The following GNG7 variants were observed in gnomAD, a reference collection of about 807,000 sequenced individuals.
The protein encoded by GNG7 is guanine nucleotide-binding protein G(I)/G(S)/G(O) subunit gamma-7.
Under a neutral mutation model 4.0 loss-of-function variants are expected in GNG7, and 1 was observed. That is an observed-to-expected ratio of 0.25 (90% CI 0.09 to 1.18). GNG7 has a LOEUF of 1.18. GNG7 is among the 50% of genes most tolerant of loss of function. The pLI is 0.50. For missense variants in GNG7, 86 were observed against 91.9 expected, an observed-to-expected ratio of 0.94 and a Z score of 0.26; for synonymous variants, 34 against 36.9, an observed-to-expected ratio of 0.92 and a Z score of 0.29.
At chr19:2,556,915 G>T (rs1979562055) in intron 2 of GNG7, among the ~76,000 whole-genome samples, 1 of 152,158 alleles carries the variant, frequency 6.6e-6, no homozygotes, top group Non-Finnish European at 1.5e-5. Flanking sequence ...CCCAGACACT[G>T]CCCCGGGTCC....
chr19:2,612,400 C>T (rs1178820937), intron 2 of GNG7, among the ~76,000 whole-genome samples: 1 of 152,030 alleles, frequency 6.6e-6, no homozygotes, highest in Non-Finnish European at 1.5e-5. Context: ...AAAACAGTTC[C>T]AGGGTAGCAG....
intron 1 of GNG7, among the ~76,000 whole-genome samples, chr19:2,684,532 G>A (rs1318985436): frequency 6.6e-6 from 1 of 152,068 alleles, no homozygotes; most frequent in Non-Finnish European, 1.5e-5. Flanking sequence ...ACACACCCCG[G>A]AGTATGATTC....
At chr19:2,660,085 T>A (rs943934558) in intron 1 of GNG7, among the ~76,000 whole-genome samples, 2 of 152,164 alleles carry the variant, frequency 1.3e-5, no homozygotes, top group African/African-American at 4.8e-5. Context: ...CCTCATGGAA[T>A]CCGTCCCAAT....
At chr19:2,603,279 G>A (rs796757473) in intron 2 of GNG7, among the ~76,000 whole-genome samples, 14 of 152,136 alleles carry the variant, frequency 9.2e-5, no homozygotes, top group African/African-American at 2.9e-4. Context: ...GTTAGCCAGG[G>A]TGATCTCGAT....
intron 2 of GNG7, among the ~76,000 whole-genome samples, chr19:2,567,350 T>TGTGTGTGTGTGTGA (rs1259433698): frequency 8.8e-4 from 133 of 150,966 alleles, no homozygotes; most frequent in Middle Eastern, 3.4e-3. Flanking sequence ...TGTGTGTGTG[T>TGTGTGTGTGTGTGA]GACATAGGGT....
At chr19:2,651,270 T>C (rs181604069) in intron 1 of GNG7, among the ~76,000 whole-genome samples, 1,893 of 70,198 alleles carry the variant, frequency 0.027, 36 homozygotes, top group South Asian at 0.077. Flanking sequence ...CCTTCCTTCC[T>C]TCCCTCCCTC....
At chr19:2,688,789 G>C (rs1290796476) in intron 1 of GNG7, among the ~76,000 whole-genome samples, 1 of 152,156 alleles carries the variant, frequency 6.6e-6, no homozygotes, top group East Asian at 1.9e-4. Flanking sequence ...TTGTTAGCCG[G>C]GCACAGTGGC....
At chr19:2,605,850 G>T (rs759456876) in intron 2 of GNG7, among the ~76,000 whole-genome samples, 15 of 152,090 alleles carry the variant, frequency 9.9e-5, no homozygotes, top group Middle Eastern at 6.8e-3. Context: ...AATTGTTTAG[G>T]GTCCACCTGG....
chr19:2,540,545 G>A (rs938958068), intron 3 of GNG7, among the ~76,000 whole-genome samples: 1 of 152,220 alleles, frequency 6.6e-6, no homozygotes, highest in Non-Finnish European at 1.5e-5. Flanking sequence ...TCGGGGGTGG[G>A]TGGGCTGAAT....
In GNG7 at chr19:2,557,041, GCA is replaced by G. The variant is rs775024966; in HGVS notation, c.-77-1855_-77-1854del. On this transcript the variant is annotated intron_variant, in intron 2 of 4. Coordinates refer to ENST00000382159, the MANE Select transcript of GNG7 (RefSeq NM_052847.3). This position sits in a 1 kb window ranked among gnomAD's most constrained non-coding sequence, Gnocchi z 5.1. ...CACACACACGCACACACAGACACAC[GCA>G]CACTCACACACATATGCACGCACAC... 2.0e-5 allele frequency among the ~76,000 whole-genome samples: 3 copies of G among 147,444 alleles called. No individual in the cohort carries two copies. Among genetic ancestry groups the G allele is most frequent in the Non-Finnish European group, 4.5e-5 (3 of 66,536 alleles).
intron 3 of GNG7, among the ~76,000 whole-genome samples, chr19:2,536,425 A>AAAAAG (rs532486919): frequency 3.0e-4 from 45 of 152,154 alleles, no homozygotes; most frequent in Middle Eastern, 6.8e-3. Flanking sequence ...TCTCAAAAAA[A>AAAAAG]AAAAGAAAAG....
At chr19:2,568,467 C>G (rs1415823919) in intron 2 of GNG7, among the ~76,000 whole-genome samples, 1 of 151,356 alleles carries the variant, frequency 6.6e-6, no homozygotes, top group African/African-American at 2.4e-5. Context: ...TACACACACA[C>G]ATGCACATAC....
At chr19:2,591,538 T>C (rs1032926061) in intron 2 of GNG7, among the ~76,000 whole-genome samples, 1 of 150,786 alleles carries the variant, frequency 6.6e-6, no homozygotes, top group Admixed American at 6.7e-5. Context: ...AAACTCCCTA[T>C]TGAGGCTGTT....
intron 3 of GNG7, among the ~76,000 whole-genome samples, chr19:2,541,017 C>A (rs550735271): frequency 6.6e-6 from 1 of 152,226 alleles, no homozygotes; most frequent in East Asian, 1.9e-4. Flanking sequence ...GGGCGGCCTG[C>A]GTAAAAGGAC....
intron 2 of GNG7, chr19:2,630,712 CG>C (rs1315696740): frequency 6.6e-6 from 1 of 151,558 alleles, no homozygotes; most frequent in Non-Finnish European, 1.5e-5. Context: ...CTCACATCTC[CG>C]AGGTCAGAAG....
intron 3 of GNG7, among the ~76,000 whole-genome samples, chr19:2,536,681 C>T (rs34181610): frequency 0.29 from 44,400 of 152,012 alleles, 7,362 homozygotes; most frequent in Non-Finnish European, 0.38. Context: ...CTTTCTTGGG[C>T]CGGAGACCTG....
chr19:2,698,160 G>A lies in GNG7; in HGVS notation c.-135+4486C>T, dbSNP rs145583903. Reference sequence around the variant, plus strand: ...TGGGTGCCTGTAGTCCCAGCTACTCGGGAGGCTGAGGCAGGAGAATGGCTT... The same window carrying A: ...TGGGTGCCTGTAGTCCCAGCTACTCAGGAGGCTGAGGCAGGAGAATGGCTT... On this transcript the variant is annotated intron_variant, in intron 1 of 4. Coordinates refer to ENST00000382159, the MANE Select transcript of GNG7 (RefSeq NM_052847.3). Among the ~76,000 whole-genome samples the A allele has an allele frequency of 3.9e-3, 598 of 151,788 alleles. 11 individuals are homozygous for A. The highest frequency in any genetic ancestry group is 0.03 in the Admixed American group (450 of 15,202).
intron 1 of GNG7, among the ~76,000 whole-genome samples, chr19:2,678,867 C>A (rs559399463): frequency 6.6e-6 from 1 of 152,210 alleles, no homozygotes; most frequent in South Asian, 2.1e-4. Flanking sequence ...CAGCCTTCGA[C>A]GATCGGAAAC....
chr19:2,655,857 A>T (rs1357546196), intron 1 of GNG7, among the ~76,000 whole-genome samples: 2 of 134,276 alleles, frequency 1.5e-5, no homozygotes, highest in African/African-American at 6.5e-5. Context: ...AAAAAAAAAA[A>T]AAATACATAT....
Sources: allele counts gnomAD v4.1 joint callset (sites outside exome capture counted in the v4.1 genomes callset), GRCh38; gene constraint gnomAD v4.1.1; non-coding constraint Gnocchi (gnomAD v3.1); transcripts MANE v1.5; gene names NCBI Gene and HGNC (gene_info 2026-07-23, HGNC 2026-07-21).